Variants in NFAT5 observed in about 807,000 individuals in gnomAD.
The protein encoded by NFAT5 is nuclear factor of activated T-cells 5.
A neutral mutation model predicts 166.5 loss-of-function variants in NFAT5; 31 were observed. The observed-to-expected ratio is 0.19, with a 90% CI of 0.14 to 0.25. NFAT5 has a LOEUF of 0.25. NFAT5 is among the 10% of genes least tolerant of loss of function. The pLI is 1.00. For missense variants in NFAT5, 1,449 were observed against 1,821.8 expected (o/e 0.80, Z 3.72); for synonymous variants, 612 against 639.7 (o/e 0.96, Z 0.65).
rs1432318298 is a variant in NFAT5, at chr16:69,568,350, G to GTGTGTT, written c.74-140_74-139insTTGTGT. The GTGTGTT allele has an allele frequency of 1.3e-4, 38 of 287,442 alleles. No homozygotes were observed. In the South Asian group the frequency reaches 1.7e-3, roughly 13 times the overall value. 17.8% of individuals were successfully genotyped at this position (287,442 alleles called of 1,614,324 possible). A position where few individuals can be genotyped will look rare whatever the true frequency, so the allele number is the denominator to read the frequency against. ...TGTATGTGTGTATATATATATATGTGTGTGTGTGTGTGTGTGTGTGTGTGT... is the reference window on the plus strand; with the variant it reads ...TGTATGTGTGTATATATATATATGTGTGTGTTTGTGTGTGTGTGTGTGTGTGTGTGT... On this transcript the variant is annotated intron_variant, in intron 1 of 14. Transcript: ENST00000349945.
chr16:69,670,477 C>A (rs2036580728), intron 9 of NFAT5, among the ~76,000 whole-genome samples, 189 bp downstream of exon 9: 1 of 152,104 alleles, frequency 6.6e-6, no homozygotes, highest in Admixed American at 6.5e-5. Flanking sequence ...ACATGACCAC[C>A]TCTATTTTAA....
chr16:69,621,844 T>A (rs1246565882), intron 2 of NFAT5, among the ~76,000 whole-genome samples: 1 of 152,060 alleles, frequency 6.6e-6, no homozygotes, highest in Non-Finnish European at 1.5e-5. Context: ...ACATTTGTGG[T>A]CCCAGCCACT....
chr16:69,645,293 A>C (rs1384480115), intron 3 of NFAT5, among the ~76,000 whole-genome samples: 1 of 152,226 alleles, frequency 6.6e-6, no homozygotes, highest in Non-Finnish European at 1.5e-5. Context: ...ATGCAGTTTA[A>C]AGTGACTGAA....
chr16:69,641,194 C>T (rs2035193095), intron 3 of NFAT5, among the ~76,000 whole-genome samples: 2 of 145,114 alleles, frequency 1.4e-5, no homozygotes, highest in Admixed American at 1.5e-4. Context: ...AGGAGAATCG[C>T]TTTTACCTGG....
intron 7 of NFAT5, among the ~76,000 whole-genome samples, chr16:69,662,512 A>G (rs1404271142): frequency 7.7e-6 from 1 of 130,094 alleles, no homozygotes; most frequent in Non-Finnish European, 1.5e-5. Context: ...GCTGAAGTGC[A>G]GTGGCATCAT....
intron 2 of NFAT5, among the ~76,000 whole-genome samples, chr16:69,584,354 A>G (rs1449309732): frequency 2.0e-5 from 3 of 147,538 alleles, no homozygotes; most frequent in African/African-American, 7.5e-5. Flanking sequence ...TTACTCTGTC[A>G]TCTGGACTGC....
chr16:69,626,365 T>C (rs762060711), intron 2 of NFAT5, 38 bp from the exon 3 acceptor site: 9 of 1,548,958 alleles, frequency 5.8e-6, no homozygotes, highest in Non-Finnish European at 7.8e-6. Context: ...TGAATCTCTT[T>C]TAAAAATTGT....
intron 11 of NFAT5, among the ~76,000 whole-genome samples, chr16:69,686,718 G>C (rs2037320747): frequency 6.6e-6 from 1 of 151,864 alleles, no homozygotes; most frequent in East Asian, 1.9e-4. Flanking sequence ...ACAAAATTTA[G>C]CTGGGCATGG....
Position 69,701,943 on chromosome 16 carries a change from A to T in NFAT5, c.*5592A>T, listed in dbSNP as rs1023172944. The T allele has an allele frequency of 6.6e-6, 1 of 152,392 alleles. No homozygotes were observed. Among genetic ancestry groups the T allele is most frequent in the Non-Finnish European group, 1.5e-5 (1 of 68,036 alleles). 9.4% of individuals were successfully genotyped at this position (152,392 alleles called of 1,614,324 possible). On this transcript the variant is annotated 3_prime_UTR_variant, in exon 15 of 15. Coordinates refer to ENST00000349945, the MANE Select transcript of NFAT5 (RefSeq NM_138713.4). ...AGACCTAAGATAATTCCTTTTGATC[A>T]GATACAGTCAGATGGAGTGCCTTGG...
At chr16:69,602,544 G>A (rs1357646396) in intron 2 of NFAT5, among the ~76,000 whole-genome samples, 5 of 150,906 alleles carry the variant, frequency 3.3e-5, no homozygotes, top group African/African-American at 7.3e-5. Flanking sequence ...TGGGATTACA[G>A]GTATGAGCCA....
intron 2 of NFAT5, among the ~76,000 whole-genome samples, chr16:69,587,507 A>AGGGG (rs2032155341): frequency 2.0e-5 from 3 of 151,342 alleles, no homozygotes; most frequent in Non-Finnish European, 4.4e-5. Context: ...CTCCTACCTT[A>AGGGG]GCCTCCTAAG....
intron 5 of NFAT5, 142 bp downstream of exon 5, chr16:69,653,570 A>G (rs1206284697): frequency 7.4e-5 from 42 of 566,212 alleles, no homozygotes; most frequent in Non-Finnish European, 6.2e-5. Context: ...CAAACTTTAG[A>G]AAGAATTTTT....
At chr16:69,583,752 G>T (rs2031852701) in intron 2 of NFAT5, among the ~76,000 whole-genome samples, 1 of 152,172 alleles carries the variant, frequency 6.6e-6, no homozygotes. Flanking sequence ...TATTTGAAAG[G>T]TTCTTGATAT....
rs2031943835 is a variant in NFAT5, at chr16:69,584,915, CAT to C, written c.127+16368_127+16369del. On this transcript the variant is annotated intron_variant, in intron 2 of 14. Coordinates refer to ENST00000349945, the MANE Select transcript of NFAT5 (RefSeq NM_138713.4). Reference sequence around the variant, plus strand: ...TCTCAATAAAATATGTATATATATACATGTATATATATTCACAAATATAAATG... The same window carrying C: ...TCTCAATAAAATATGTATATATATACGTATATATATTCACAAATATAAATG... 2.6e-5 allele frequency among the ~76,000 whole-genome samples: 4 copies of C among 152,064 alleles called. No homozygotes were observed. The South Asian group carries it at 8.3e-4, about 32-fold the overall frequency.
intron 4 of NFAT5, among the ~76,000 whole-genome samples, chr16:69,652,188 A>C (rs2035698446): frequency 6.6e-6 from 1 of 152,158 alleles, no homozygotes; most frequent in Non-Finnish European, 1.5e-5. Context: ...GCAGTGGCTC[A>C]TGCTTGTAAT....
At chr16:69,635,492 A>G (rs1166669356) in intron 3 of NFAT5, among the ~76,000 whole-genome samples, 1 of 151,970 alleles carries the variant, frequency 6.6e-6, no homozygotes, top group Non-Finnish European at 1.5e-5. Context: ...TTATTCTGTC[A>G]TGTTGACACT....
chr16:69,631,987 G>A (rs1195076835), intron 3 of NFAT5, among the ~76,000 whole-genome samples: 1 of 152,140 alleles, frequency 6.6e-6, no homozygotes, highest in African/African-American at 2.4e-5. Flanking sequence ...TCTATGCCAT[G>A]TCACTTAATA....
Position 69,691,749 on chromosome 16 carries a change from A to G in NFAT5, c.1924A>G (p.Thr642Ala). The G allele has an allele frequency of 6.3e-7, 1 of 1,587,462 alleles. No individual in the cohort carries two copies. The highest frequency in any genetic ancestry group is 1.2e-5 in the South Asian group (1 of 86,496). The change falls in exon 13 of 15, where the codon ACT becomes GCT. Residue 642 changes from threonine to alanine, a missense_variant and splice_region_variant. Physicochemically the swap from Thr to Ala is moderately conservative, Grantham distance 58. Around this residue, in one of 7 missense-constraint regions of NFAT5, gnomAD observed 245 missense variants for 366.6 expected, o/e 0.67. Transcript: ENST00000349945. ...ATATTTGGGGATTTTTATTTTTTAGACTACAAAGTCTGTTGGATCAACTCA... is the reference window on the plus strand; with the variant it reads ...ATATTTGGGGATTTTTATTTTTTAGGCTACAAAGTCTGTTGGATCAACTCA... ...AEKRSSTIFK[T>A]TKSVGSTQQT...
intron 3 of NFAT5, among the ~76,000 whole-genome samples, chr16:69,642,054 G>A (rs2035236679): frequency 6.6e-6 from 1 of 151,836 alleles, no homozygotes; most frequent in African/African-American, 2.4e-5. Flanking sequence ...GGTTGTGATC[G>A]TGCCCCTACA....
Sources: allele counts gnomAD v4.1 joint callset (sites outside exome capture counted in the v4.1 genomes callset), GRCh38; gene constraint gnomAD v4.1.1; regional missense constraint gnomAD v4.1.1; transcripts MANE v1.5; gene names NCBI Gene and HGNC (gene_info 2026-07-23, HGNC 2026-07-21).